Variants in DYRK1B observed in about 807,000 individuals in gnomAD.
DYRK1B encodes dual specificity tyrosine-phosphorylation-regulated kinase 1B.
In DYRK1B, 20 loss-of-function variants were observed where a neutral mutation model predicts 57.1. The observed-to-expected ratio is 0.35, with a 90% CI of 0.25 to 0.51. The LOEUF (loss-of-function observed/expected upper bound fraction) is 0.51, where lower values mean the gene tolerates loss of function less well. Among genes scored for constraint, DYRK1B ranks in the 20% least tolerant of loss-of-function variants. The pLI is 0.96. For missense variants in DYRK1B, 732 were observed against 886.3 expected, an observed-to-expected ratio of 0.83 and a Z score of 2.21; for synonymous variants, 409 against 384.7, an observed-to-expected ratio of 1.06 and a Z score of -0.74.
At chr19:39,833,103 T>A (rs976050622) in intron 1 of DYRK1B, 3 of 985,218 alleles carry the variant, frequency 3.0e-6, no homozygotes, top group African/African-American at 3.5e-5. Flanking sequence ...ACAGCAAAAA[T>A]CTTCTCCCCA....
intron 1 of DYRK1B, among the ~76,000 whole-genome samples, 170 bp from the exon 2 acceptor site, chr19:39,832,138 TG>T (rs58029676): frequency 6.7e-6 from 1 of 149,240 alleles, no homozygotes; most frequent in African/African-American, 2.5e-5. Context: ...GGTAGCCAGG[TG>T]GGGGGGGATG....
At position 39,828,534 on chromosome 19, in the gene DYRK1B, A is replaced by G. The variant is rs201053732; in HGVS notation, c.570T>C (p.Phe190=). Reference sequence around the variant, plus strand: ...CGTACAGGTTGTAGGACAGCAGCTCAAATACCAGGCACAGGTGGTTCCGGA... The same window carrying G: ...CGTACAGGTTGTAGGACAGCAGCTCGAATACCAGGCACAGGTGGTTCCGGA... ...FMFRNHLCLV[F]ELLSYNLYDL... Residue 190 remains phenylalanine (F), a synonymous_variant, in exon 6 of 11, where the codon TTT becomes TTC. Transcript: ENST00000323039. The surrounding 1 kb of genome is among the most constrained non-coding windows in gnomAD (Gnocchi z 4.3). The G allele has an allele frequency of 4.2e-5, 67 of 1,613,094 alleles. No homozygotes were observed. The Admixed American group carries it at 8.7e-4, about 21-fold the overall frequency.
chr19:39,828,268 C>G lies in DYRK1B; in HGVS notation c.807+29G>C, dbSNP rs760585920. ...GCTCTGCCCCACCCAAACTACTAGC[C>G]GTGCTCCCAGGACCGGGCCGCCCCC... On this transcript the variant is annotated intron_variant, in intron 6 of 10. Transcript: ENST00000323039. This position sits in a 1 kb window ranked among gnomAD's most constrained non-coding sequence, Gnocchi z 4.3. The G allele has an allele frequency of 5.1e-5, 82 of 1,608,768 alleles. No homozygotes were observed. In the South Asian group the frequency reaches 8.5e-4, roughly 17 times the overall value.
intron 1 of DYRK1B, chr19:39,833,522 G>A (rs1343088609): frequency 3.6e-5 from 7 of 195,120 alleles, no homozygotes; most frequent in Non-Finnish European, 6.5e-5. Context: ...GAAGAGTAGA[G>A]CAGGTGGACG....
At chr19:39,833,316 C>A in intron 1 of DYRK1B, 1 of 985,452 alleles carries the variant, frequency 1.0e-6, no homozygotes, top group South Asian at 4.7e-5. Context: ...CGCGGTGGGG[C>A]CCCCAGTGGG....
In DYRK1B at chr19:39,830,235, C is replaced by A. The variant is rs548406201; in HGVS notation, c.372+140G>T. 1.5e-5 allele frequency: 19 copies of A among 1,241,312 alleles called. No individual in the cohort carries two copies. In the East Asian group the frequency reaches 4.6e-4, roughly 30 times the overall value. The allele number at this position is 1,241,312 out of a possible 1,614,324, so 76.9% of individuals were successfully genotyped here. On this transcript the variant is annotated intron_variant, in intron 4 of 10. Coordinates refer to ENST00000323039, the MANE Select transcript of DYRK1B (RefSeq NM_004714.3). ...GAGTCTTGTTATTTAAACTGTTTTA[C>A]AGAAAAGGCGACTGAGGCACAGGGA...
At chr19:39,829,668 G>A in intron 5 of DYRK1B, 1 of 510,160 alleles carries the variant, frequency 2.0e-6, no homozygotes, top group Admixed American at 3.7e-5. Context: ...GGCCCTTGGT[G>A]AGCACTCAGT....
Position 39,830,488 on chromosome 19 carries a change from C to T in DYRK1B, c.259G>A (p.Val87Ile). 1.2e-6 allele frequency: 2 copies of T among 1,614,210 alleles called. No individual in the cohort carries two copies. The highest frequency in any genetic ancestry group is 2.2e-5 in the East Asian group (1 of 44,892). ...QDSSNKKEKK[V>I]LNHGYDDDNH... is the part of the protein sequence containing the mutation. ...TCGTCATCATAACCATGGTTCAGGA[C>T]CTTCTTCTCCTTCTTGTTGCTCGAA... Residue 87 changes from valine to isoleucine, a missense_variant, in exon 4 of 11, where the codon GTC becomes ATC. Physicochemically the swap from Val to Ile is conservative, Grantham distance 29. Coordinates refer to ENST00000323039, the MANE Select transcript of DYRK1B (RefSeq NM_004714.3).
At position 39,826,441 on chromosome 19, in the gene DYRK1B, G is replaced by A. The variant is rs1337081033; in HGVS notation, c.1412-155C>T. The stretch of plus-strand genomic sequence containing the variant: ...GCACCGGGCCCAATTCTGAGATTCT[G>A]GGTTGGAATTCAGTTTTGGGTTTTA... On this transcript the variant is annotated intron_variant, in intron 9 of 10. Transcript: ENST00000323039. The surrounding 1 kb of genome is among the most constrained non-coding windows in gnomAD (Gnocchi z 6.3). 2.6e-5 allele frequency among the ~76,000 whole-genome samples: 4 copies of A among 152,212 alleles called. No individual in the cohort carries two copies. The highest frequency in any genetic ancestry group is 6.5e-5 in the Admixed American group (1 of 15,286).
In DYRK1B at chr19:39,825,750, G is replaced by A. The variant is rs778845035; in HGVS notation, c.1855C>T (p.Arg619Cys). Residue 619 changes from arginine to cysteine, a missense_variant, in exon 11 of 11, where the codon CGT (arginine) becomes TGT (cysteine). Physicochemically the swap from Arg to Cys is radical, Grantham distance 180 (BLOSUM62 -3). Around this residue, in one of 2 missense-constraint regions of DYRK1B, gnomAD observed 222 missense variants for 205.0 expected, o/e 1.08. Transcript: ENST00000323039. ...PATLGPHLGL[R>C]GVPQSTAASS Reference sequence around the variant, plus strand: ...GCTGCTGTGCTCTGGGGTACACCACGGAGGCCCAGGTGAGGCCCCAGAGTG... The same window carrying A: ...GCTGCTGTGCTCTGGGGTACACCACAGAGGCCCAGGTGAGGCCCCAGAGTG... The A allele has an allele frequency of 4.0e-5, 63 of 1,561,526 alleles. No individual in the cohort carries two copies. The highest frequency in any genetic ancestry group is 1.2e-4 in the African/African-American group (9 of 73,464).
chr19:39,827,876 A>G (rs1438986193), intron 6 of DYRK1B, among the ~76,000 whole-genome samples: 1 of 151,726 alleles, frequency 6.6e-6, no homozygotes, highest in African/African-American at 2.4e-5. Flanking sequence ...CCTGATCTCC[A>G]CCCCCAACCC....
chr19:39,830,851 G>C (rs1000920589), intron 2 of DYRK1B, 68 bp from the exon 3 acceptor site: 6 of 1,524,708 alleles, frequency 3.9e-6, no homozygotes, highest in Non-Finnish European at 5.3e-6. Flanking sequence ...AGGAAGAACT[G>C]TAAGGGCTGC....
intron 8 of DYRK1B, 43 bp downstream of exon 8, chr19:39,827,242 G>T: frequency 6.4e-7 from 1 of 1,570,386 alleles, no homozygotes; most frequent in Non-Finnish European, 8.7e-7. Flanking sequence ...GTGTGAGTGA[G>T]GGGCCACGGG....
chr19:39,827,014 G>GGGGGGGGGGGGGGGGGC, intron 8 of DYRK1B, 27 bp from the exon 9 acceptor site: 4 of 419,606 alleles, frequency 9.5e-6, no homozygotes, highest in Non-Finnish European at 1.7e-5. Context: ...GGGAGGGGGG[G>GGGGGGGGGGGGGGGGGC]CAAGAGAGTG....
Position 39,831,848 on chromosome 19 carries a change from TG to T in DYRK1B, c.19del (p.His7MetfsTer82). On this transcript the variant is annotated frameshift_variant, in exon 2 of 11. Coordinates refer to ENST00000323039, the MANE Select transcript of DYRK1B (RefSeq NM_004714.3). LOFTEE classifies it high-confidence loss of function. ...CCCTGGGAAGCCAGAGAAGGGACCATGGCCCGGTGGGACGGCCATGGTGGGC... is the reference window on the plus strand; with the variant it reads ...CCCTGGGAAGCCAGAGAAGGGACCATGCCCGGTGGGACGGCCATGGTGGGC... MAVPPG[H>X]GPFSGFPGPQ... 1 of 1,528,838 alleles carries T rather than the reference TG, an allele frequency of 6.5e-7. No individual in the cohort carries two copies. The highest frequency in any genetic ancestry group is 8.8e-7 in the Non-Finnish European group (1 of 1,135,416). The allele number at this position is 1,528,838 out of a possible 1,614,324, so 94.7% of individuals were successfully genotyped here.
At chr19:39,827,256 G>A (rs1453664813) in intron 8 of DYRK1B, 29 bp downstream of exon 8, 2 of 1,589,646 alleles carry the variant, frequency 1.3e-6, no homozygotes, top group Non-Finnish European at 1.7e-6. Context: ...CCACGGGGTG[G>A]GAGGAGTGGC....
At chr19:39,827,458 C>G in intron 7 of DYRK1B, 33 bp from the exon 8 acceptor site, 1 of 1,609,354 alleles carries the variant, frequency 6.2e-7, no homozygotes, top group Admixed American at 1.7e-5. Context: ...GTCATCAGGC[C>G]AGCCAGGCTC....
At chr19:39,829,609 C>T (rs1968712273) in intron 5 of DYRK1B, 3 of 346,300 alleles carry the variant, frequency 8.7e-6, no homozygotes, top group Admixed American at 4.6e-5. Context: ...AATGCCCTTC[C>T]CCTTATGGGC....
At chr19:39,829,793 A>G (rs1968721054) in intron 5 of DYRK1B, 87 bp downstream of exon 5, 1 of 1,472,454 alleles carries the variant, frequency 6.8e-7, no homozygotes. Context: ...CCTCCTCCTG[A>G]GAGTAGGGCG....
Sources: allele counts gnomAD v4.1 joint callset (sites outside exome capture counted in the v4.1 genomes callset), GRCh38; gene constraint gnomAD v4.1.1; regional missense constraint gnomAD v4.1.1; non-coding constraint Gnocchi (gnomAD v3.1); transcripts MANE v1.5; gene names NCBI Gene and HGNC (gene_info 2026-07-23, HGNC 2026-07-21).